Variants in SPECC1 observed in about 807,000 individuals in gnomAD.
The protein encoded by SPECC1 is cytospin-B.
In SPECC1, 62 loss-of-function variants were observed where a neutral mutation model predicts 104.1. That is an observed-to-expected ratio of 0.60 (90% CI 0.49 to 0.74). SPECC1 has a LOEUF of 0.74. Ranked by LOEUF, SPECC1 falls within the 30% of genes least tolerant of loss-of-function variation. The probability of loss-of-function intolerance (pLI) is 0.00; values close to 1 mark genes in which losing one functional copy is unlikely to be tolerated. For synonymous variants in SPECC1, 513 were observed against 501.6 expected (o/e 1.02, Z -0.30); for missense variants, 1,306 against 1,310.5 (o/e 1.00, Z 0.05).
chr17:20,069,984 C>A (rs573123599), intron 1 of SPECC1, among the ~76,000 whole-genome samples: 43 of 152,124 alleles, frequency 2.8e-4, no homozygotes, highest in African/African-American at 9.2e-4. Context: ...TCCTGAACTC[C>A]TTTATTAGCC....
chr17:20,212,211 A>C (rs1400020647), intron 4 of SPECC1, among the ~76,000 whole-genome samples: 2 of 152,228 alleles, frequency 1.3e-5, no homozygotes, highest in Admixed American at 6.5e-5. Context: ...CTTTAGGCCA[A>C]TAAGAATGAA....
intron 1 of SPECC1, among the ~76,000 whole-genome samples, chr17:20,076,925 T>C (rs1291269063): frequency 6.6e-6 from 1 of 152,242 alleles, no homozygotes; most frequent in Non-Finnish European, 1.5e-5. Context: ...ATTTTGCATT[T>C]CTTTTAATAC....
intron 11 of SPECC1, among the ~76,000 whole-genome samples, chr17:20,258,270 G>A (rs1361905514): frequency 3.3e-5 from 5 of 152,182 alleles, no homozygotes; most frequent in Non-Finnish European, 7.3e-5. Context: ...TGAAATCAGT[G>A]TTTAAGAAGG....
In SPECC1 at chr17:20,205,845, A is replaced by G. The variant is rs75637492; in HGVS notation, c.1796A>G (p.Asn599Ser). ...AEKDLLELSCNELRQELLKAN... is the reference protein window; with the variant it reads ...AEKDLLELSCSELRQELLKAN... ...AAAGATCTACTGGAACTGTCTTGCA[A>G]TGAGCTCAGACAAGAATTACTAAAG... Residue 599 changes from asparagine to serine, a missense_variant, in exon 4 of 15, where the codon AAT becomes AGT. By Grantham distance (46) the Asn-to-Ser change is conservative. Coordinates refer to ENST00000395527, the MANE Select transcript of SPECC1 (RefSeq NM_001243439.2). 2.0e-4 allele frequency: 315 copies of G among 1,614,140 alleles called. 1 individual carries two copies. The highest frequency in any genetic ancestry group is 6.7e-4 in the South Asian group (61 of 91,076).
At chr17:20,050,596 G>A (rs1283715963) in intron 1 of SPECC1, among the ~76,000 whole-genome samples, 1 of 152,156 alleles carries the variant, frequency 6.6e-6, no homozygotes, top group Non-Finnish European at 1.5e-5. Context: ...TCATTGTTAG[G>A]GCATGTGTTT....
At chr17:20,279,751 G>T (rs1212566157) in intron 12 of SPECC1, among the ~76,000 whole-genome samples, 2 of 152,182 alleles carry the variant, frequency 1.3e-5, no homozygotes, top group Non-Finnish European at 1.5e-5. Flanking sequence ...GTCAGAAAGG[G>T]TTTAAAAACC....
At position 20,034,406 on chromosome 17, in the gene SPECC1, A is replaced by T. The variant is rs1056078748; in HGVS notation, c.-22+24982A>T. ...GCCACTGCGTCAGGTCTTTCCCCCA[A>T]TTTTTTACTAAAAAAATGTCAAACC... On this transcript the variant is annotated intron_variant, in intron 1 of 14. Coordinates refer to ENST00000395527, the MANE Select transcript of SPECC1 (RefSeq NM_001243439.2). 3.3e-5 allele frequency among the ~76,000 whole-genome samples: 5 copies of T among 151,364 alleles called. No homozygotes were observed. The South Asian group carries it at 1.1e-3, about 32-fold the overall frequency.
Position 20,316,328 on chromosome 17 carries a change from T to C in SPECC1, c.*2263T>C. 1 of 229,924 alleles carries C rather than the reference T, an allele frequency of 4.3e-6. No individual in the cohort carries two copies. Among genetic ancestry groups the C allele is most frequent in the East Asian group, 6.2e-5 (1 of 16,182 alleles). The allele number at this position is 229,924 out of a possible 1,614,324, so 14.2% of individuals were successfully genotyped here. On this transcript the variant is annotated 3_prime_UTR_variant, in exon 15 of 15. Transcript: ENST00000395527. ...AGTTGCTGTCTTGGGATACCCGGAG[T>C]GGGAGTGGGTGTTTTCTGTGATTGG...
intron 4 of SPECC1, among the ~76,000 whole-genome samples, chr17:20,214,805 G>T (rs944022209): frequency 6.6e-6 from 1 of 152,210 alleles, no homozygotes; most frequent in Non-Finnish European, 1.5e-5. Flanking sequence ...ACTGCACCCG[G>T]CCTGGAAAGA....
At chr17:20,136,770 A>G (rs750823686) in intron 3 of SPECC1, among the ~76,000 whole-genome samples, 2 of 152,170 alleles carry the variant, frequency 1.3e-5, no homozygotes, top group African/African-American at 2.4e-5. Flanking sequence ...ATCATTCCAT[A>G]AAGAACCTCC....
chr17:20,298,921 A>AAAGAGAGAGAGAGAGAGAG (rs1555535541), intron 13 of SPECC1, among the ~76,000 whole-genome samples: 9 of 72,786 alleles, frequency 1.2e-4, no homozygotes, highest in Non-Finnish European at 1.9e-4. Context: ...GCAGAACCAA[A>AAAGAGAGAGAGAGAGAGAG]AGAGAGAGAG....
intron 1 of SPECC1, among the ~76,000 whole-genome samples, chr17:20,045,191 A>G (rs1344599699): frequency 6.6e-6 from 1 of 152,160 alleles, no homozygotes; most frequent in Non-Finnish European, 1.5e-5. Flanking sequence ...CATACTGACT[A>G]TCATAAGCCC....
intron 1 of SPECC1, among the ~76,000 whole-genome samples, chr17:20,050,220 A>G (rs982234106): frequency 7.2e-5 from 11 of 152,202 alleles, no homozygotes; most frequent in African/African-American, 2.2e-4. Flanking sequence ...ACTTAAAACT[A>G]TAATTAAAAT....
chr17:20,195,349 A>T (rs1195428378), intron 3 of SPECC1, among the ~76,000 whole-genome samples: 1 of 144,226 alleles, frequency 6.9e-6, no homozygotes, highest in African/African-American at 2.5e-5. Flanking sequence ...AGAATTTTAC[A>T]TAACAATTAT....
intron 3 of SPECC1, among the ~76,000 whole-genome samples, chr17:20,145,393 T>C (rs1461798700): frequency 1.3e-5 from 2 of 152,226 alleles, no homozygotes; most frequent in African/African-American, 4.8e-5. Flanking sequence ...AGAGGGTGTT[T>C]AATTCAGGGG....
At chr17:20,253,730 A>G in intron 10 of SPECC1, 144 bp downstream of exon 10, 1 of 767,534 alleles carries the variant, frequency 1.3e-6, no homozygotes, top group Non-Finnish European at 2.1e-6. Flanking sequence ...TGTACATATC[A>G]TGAATGTTAG....
chr17:20,018,817 G>A (rs1240380311), intron 1 of SPECC1, among the ~76,000 whole-genome samples: 1 of 152,184 alleles, frequency 6.6e-6, no homozygotes, highest in African/African-American at 2.4e-5. Flanking sequence ...CTGTGACAAC[G>A]CATGTGAAAT....
At chr17:20,297,150 G>C in intron 13 of SPECC1, 73 bp downstream of exon 13, 2 of 1,337,874 alleles carry the variant, frequency 1.5e-6, no homozygotes, top group Middle Eastern at 3.6e-4. Flanking sequence ...CCCCACTGTG[G>C]GAGGGGGCTT....
Position 20,205,686 on chromosome 17 carries a change from G to A in SPECC1, c.1637G>A (p.Gly546Glu), listed in dbSNP as rs769018244. 1 of 1,614,152 alleles carries A rather than the reference G, an allele frequency of 6.2e-7. No homozygotes were observed. Among genetic ancestry groups the A allele is most frequent in the Admixed American group, 1.7e-5 (1 of 60,028 alleles). Residue 546 changes from glycine (G) to glutamate (E), a missense_variant, in exon 4 of 15, where the codon GGG (glycine) becomes GAG (glutamate). Physicochemically the swap from Gly to Glu is moderately conservative, Grantham distance 98. Coordinates refer to ENST00000395527, the MANE Select transcript of SPECC1 (RefSeq NM_001243439.2). ...GAAGAGTGTAGAGTTACCTTGGAAG[G>A]GCTAAAAATGGAGAATGGATCTTTG... is the stretch of plus-strand genomic sequence containing the variant. ...TLEECRVTLE[G>E]LKMENGSLKS...
Sources: allele counts gnomAD v4.1 joint callset (sites outside exome capture counted in the v4.1 genomes callset), GRCh38; gene constraint gnomAD v4.1.1; transcripts MANE v1.5; gene names NCBI Gene and HGNC (gene_info 2026-07-23, HGNC 2026-07-21).